ADAM18: variants seen among roughly 807,000 people sequenced by gnomAD.
ADAM18 encodes the protein disintegrin and metalloproteinase domain-containing protein 18.
ADAM18 carries 117 observed loss-of-function variants against 94.4 expected under a neutral mutation model. The ratio of observed to expected loss-of-function variants is 1.24; its 90% CI spans 1.07 to 1.45. ADAM18 has a LOEUF of 1.45. Ranked by LOEUF, ADAM18 falls within the 40% of genes most tolerant of loss-of-function variation. The pLI is 0.00. For missense variants in ADAM18, 936 were observed against 880.0 expected (o/e 1.06, Z -0.81); for synonymous variants, 327 against 291.6 (o/e 1.12, Z -1.24).
chr8:39,683,080 A>G (rs895719608), intron 16 of ADAM18, among the ~76,000 whole-genome samples: 5 of 152,232 alleles, frequency 3.3e-5, no homozygotes, highest in African/African-American at 1.2e-4. Context: ...AACTTGCAAC[A>G]TTAGGATATA....
chr8:39,595,178 C>T (rs1818704483), intron 2 of ADAM18, among the ~76,000 whole-genome samples: 1 of 152,144 alleles, frequency 6.6e-6, no homozygotes, highest in Non-Finnish European at 1.5e-5. Flanking sequence ...TCTCCCCTAA[C>T]CCCATGCTGT....
intron 19 of ADAM18, among the ~76,000 whole-genome samples, chr8:39,725,710 T>G (rs1371359328): frequency 1.3e-5 from 2 of 152,182 alleles, no homozygotes; most frequent in Non-Finnish European, 2.9e-5. Flanking sequence ...ATGAGTAATC[T>G]TCCATTACAT....
chr8:39,593,953 T>C (rs1188567806), intron 2 of ADAM18, among the ~76,000 whole-genome samples: 1 of 152,216 alleles, frequency 6.6e-6, no homozygotes, highest in Non-Finnish European at 1.5e-5. Context: ...AATTTTTAAA[T>C]CCAGTCAATC....
intron 16 of ADAM18, among the ~76,000 whole-genome samples, chr8:39,683,204 C>G (rs964172074): frequency 6.6e-6 from 1 of 152,176 alleles, no homozygotes; most frequent in African/African-American, 2.4e-5. Context: ...TGGCCTCCAT[C>G]CAAAAGACCT....
intron 13 of ADAM18, among the ~76,000 whole-genome samples, chr8:39,665,136 T>C (rs1309378753): frequency 1.3e-5 from 2 of 152,168 alleles, no homozygotes; most frequent in Non-Finnish European, 2.9e-5. Flanking sequence ...ACTGATCTGT[T>C]TTCTGAAGCT....
chr8:39,620,402 G>GA (rs1819580141), intron 6 of ADAM18, among the ~76,000 whole-genome samples: 1 of 100,052 alleles, frequency 1.0e-5, no homozygotes, highest in Non-Finnish European at 2.3e-5. Flanking sequence ...ACAAAACAAA[G>GA]AAAAAATGTA....
intron 16 of ADAM18, among the ~76,000 whole-genome samples, chr8:39,681,357 G>A (rs940218488): frequency 2.6e-5 from 4 of 152,216 alleles, no homozygotes; most frequent in Non-Finnish European, 2.9e-5. Context: ...TTTGCAAGTC[G>A]GACCAACAGG....
chr8:39,675,026 C>T (rs531156108), intron 14 of ADAM18, among the ~76,000 whole-genome samples: 1 of 152,256 alleles, frequency 6.6e-6, no homozygotes, highest in African/African-American at 2.4e-5. Flanking sequence ...TTGTAGGTAA[C>T]CTGAACTTTC....
At chr8:39,598,341 G>C (rs1409048122) in intron 2 of ADAM18, among the ~76,000 whole-genome samples, 1 of 151,784 alleles carries the variant, frequency 6.6e-6, no homozygotes, top group South Asian at 2.1e-4. Context: ...AGCATGAAAG[G>C]GTCTAGTTTT....
intron 15 of ADAM18, among the ~76,000 whole-genome samples, chr8:39,678,454 G>A (rs1261368376): frequency 1.3e-5 from 2 of 152,144 alleles, no homozygotes; most frequent in African/African-American, 4.8e-5. Flanking sequence ...CCCCAACACA[G>A]GAGGATTAGT....
chr8:39,669,681 A>G (rs1463180304), intron 14 of ADAM18, among the ~76,000 whole-genome samples: 1 of 151,944 alleles, frequency 6.6e-6, no homozygotes, highest in Non-Finnish European at 1.5e-5. Context: ...TCCATGGTGT[A>G]TATGTGCCAC....
chr8:39,671,040 C>T (rs932045197), intron 14 of ADAM18, among the ~76,000 whole-genome samples: 21 of 152,354 alleles, frequency 1.4e-4, no homozygotes, highest in African/African-American at 5.0e-4. Flanking sequence ...CTCCATCCAG[C>T]TTCCTTCCCA....
At chr8:39,612,139 A>G (rs1293172024) in intron 6 of ADAM18, among the ~76,000 whole-genome samples, 1 of 152,230 alleles carries the variant, frequency 6.6e-6, no homozygotes, top group African/African-American at 2.4e-5. Context: ...AGTGAAAAAA[A>G]AAAAGGGAGG....
At chr8:39,606,972 C>T (rs563752522) in intron 3 of ADAM18, among the ~76,000 whole-genome samples, 25 of 152,254 alleles carry the variant, frequency 1.6e-4, no homozygotes, top group African/African-American at 6.0e-4. Context: ...GCCATTTTCA[C>T]TTCTTTTGTG....
chr8:39,709,030 A>T (rs954495752), intron 18 of ADAM18, among the ~76,000 whole-genome samples: 1 of 152,206 alleles, frequency 6.6e-6, no homozygotes, highest in East Asian at 1.9e-4. Flanking sequence ...GTGAGGTGGT[A>T]GCTCTCTGCC....
intron 5 of ADAM18, among the ~76,000 whole-genome samples, chr8:39,609,846 C>T (rs77819780): frequency 6.6e-6 from 1 of 151,974 alleles, no homozygotes; most frequent in Admixed American, 6.6e-5. Flanking sequence ...TCTGTTTTCT[C>T]AAATAGTTAT....
chr8:39,627,209 T>C (rs918561797), intron 6 of ADAM18, among the ~76,000 whole-genome samples: 5 of 152,160 alleles, frequency 3.3e-5, no homozygotes, highest in African/African-American at 4.8e-5. Flanking sequence ...AAAGGTTTAA[T>C]GGATTCACAG....
At chr8:39,593,752 C>T (rs533782735) in intron 2 of ADAM18, among the ~76,000 whole-genome samples, 1 of 152,114 alleles carries the variant, frequency 6.6e-6, no homozygotes, top group African/African-American at 2.4e-5. Context: ...TGGATTGATA[C>T]CCTTTATCAT....
intron 6 of ADAM18, among the ~76,000 whole-genome samples, chr8:39,620,227 T>A (rs1388387540): frequency 1.3e-5 from 2 of 151,578 alleles, no homozygotes; most frequent in Admixed American, 6.6e-5. Context: ...GATCAAAATG[T>A]ATTAAAGATT....
Sources: allele counts gnomAD v4.1 joint callset (sites outside exome capture counted in the v4.1 genomes callset), GRCh38; gene constraint gnomAD v4.1.1; transcripts MANE v1.5; gene names NCBI Gene and HGNC (gene_info 2026-07-23, HGNC 2026-07-21).